The following VLDLR variants were observed in gnomAD, a reference collection of about 807,000 sequenced individuals.
VLDLR encodes very low density lipoprotein receptor.
VLDLR carries 81 observed loss-of-function variants against 112.7 expected under a neutral mutation model. That is an observed-to-expected ratio of 0.72 (90% confidence interval 0.60 to 0.86). VLDLR has a LOEUF of 0.86. Ranked by LOEUF, VLDLR falls within the 40% of genes least tolerant of loss-of-function variation. The pLI, the probability that VLDLR is intolerant of heterozygous loss-of-function variation, is 0.00. For synonymous variants in VLDLR, 436 were observed against 384.8 expected, an observed-to-expected ratio of 1.13 and a Z score of -1.56; for missense variants, 1,237 against 1,099.4, an observed-to-expected ratio of 1.13 and a Z score of -1.77.
Position 2,659,419 on chromosome 9 carries a change from T to C in VLDLR, c.*5551T>C, listed in dbSNP as rs1417667762. The stretch of plus-strand genomic sequence containing the variant: ...GAAGTGTACTACTAGCACTACTACA[T>C]CAGGTCAGCACAGATTAACTCAGTT... On this transcript the variant is annotated 3_prime_UTR_variant, in exon 19 of 19. Coordinates refer to ENST00000382100, the MANE Select transcript of VLDLR (RefSeq NM_003383.5). 6.6e-6 allele frequency: 1 copy of C among 152,238 alleles called. No individual in the cohort carries two copies. The highest frequency in any genetic ancestry group is 1.5e-5 in the Non-Finnish European group (1 of 68,040). The allele number at this position is 152,238 out of a possible 1,614,324, so 9.4% of individuals were successfully genotyped here.
chr9:2,630,590 A>C (rs960124465), intron 1 of VLDLR, among the ~76,000 whole-genome samples: 5 of 152,302 alleles, frequency 3.3e-5, no homozygotes, highest in African/African-American at 1.2e-4. Flanking sequence ...TCGGAGCCCC[A>C]TAGGGAGATT....
At chr9:2,640,820 G>T (rs923715882) in intron 3 of VLDLR, among the ~76,000 whole-genome samples, 5 of 152,208 alleles carry the variant, frequency 3.3e-5, no homozygotes, top group African/African-American at 1.2e-4. Flanking sequence ...CAAGGCCTGT[G>T]AGCTAAAGAC....
chr9:2,652,479 CA>C (rs1479386720), intron 17 of VLDLR, among the ~76,000 whole-genome samples: 1 of 152,152 alleles, frequency 6.6e-6, no homozygotes, highest in Non-Finnish European at 1.5e-5. Context: ...ACGCCAGGAC[CA>C]CCTGAATAGC....
rs1332885043 is a variant in VLDLR, at chr9:2,654,269, T to C, written c.*401T>C. The C allele has an allele frequency of 1.1e-5, 2 of 186,768 alleles. No homozygotes were observed. The highest frequency in any genetic ancestry group is 2.3e-5 in the Non-Finnish European group (2 of 88,146). The allele number at this position is 186,768 out of a possible 1,614,324, so 11.6% of individuals were successfully genotyped here. A position where few individuals can be genotyped will look rare whatever the true frequency, so the allele number is the denominator to read the frequency against. On this transcript the variant is annotated 3_prime_UTR_variant, in exon 19 of 19. Transcript: ENST00000382100. ...CTATTCTTAAGCACTTTGAAAATAT[T>C]TCTATGTAAATTATTGTAAACTTTT...
chr9:2,644,846 C>A lies in VLDLR; in HGVS notation c.1179C>A (p.Thr393=), dbSNP rs372577949. 2.5e-6 allele frequency: 4 copies of A among 1,613,952 alleles called. No homozygotes were observed. The African/African-American group carries it at 5.3e-5, about 22-fold the overall frequency. The part of the protein sequence containing the change: ...AAGFELIDRK[T]CGDIDECQNP... ...GGTTTGAACTGATAGATAGGAAAAC[C>A]TGTGGAGGTGAGTCTAAGAAGAAAA... Residue 393 remains threonine, a synonymous_variant, in exon 8 of 19, where the codon ACC becomes ACA. Transcript: ENST00000382100.
In VLDLR at chr9:2,653,841, T is replaced by TGTAAGCACAGATGA. The variant is rs1342364882; in HGVS notation, c.2596_2609dup (p.Asp870GlufsTer2). 1 of 1,613,832 alleles carries TGTAAGCACAGATGA rather than the reference T, an allele frequency of 6.2e-7. No individual in the cohort carries two copies. The highest frequency in any genetic ancestry group is 1.3e-5 in the African/African-American group (1 of 74,914). The stretch of plus-strand genomic sequence containing the variant: ...CTTCTTCTTTTCCACAGATATCAGT[T>TGTAAGCACAGATGA]GTAAGCACAGATGATGATCTAGCTT... On this transcript the variant is annotated frameshift_variant, in exon 19 of 19. Transcript: ENST00000382100. LOFTEE classifies it high-confidence loss of function.
At chr9:2,643,778 A>T in intron 6 of VLDLR, 28 bp downstream of exon 6, 1 of 1,614,222 alleles carries the variant, frequency 6.2e-7, no homozygotes, top group Non-Finnish European at 8.5e-7. Flanking sequence ...TTGGTTAAGC[A>T]ATGGATTGCT....
rs1445637471 is a variant in VLDLR, at chr9:2,656,128, T to C, written c.*2260T>C. 6.6e-6 allele frequency: 1 copy of C among 152,176 alleles called. No individual in the cohort carries two copies. The highest frequency in any genetic ancestry group is 1.5e-5 in the Non-Finnish European group (1 of 68,030). The allele number at this position is 152,176 out of a possible 1,614,324, so 9.4% of individuals were successfully genotyped here. The stretch of plus-strand genomic sequence containing the variant: ...ATCTTTTGAATTCCTGTCCCTAGTA[T>C]GTTCTTTCATGTTCTGGGTAAAATT... On this transcript the variant is annotated 3_prime_UTR_variant, in exon 19 of 19. Coordinates refer to ENST00000382100, the MANE Select transcript of VLDLR (RefSeq NM_003383.5).
In VLDLR at chr9:2,622,287, C is replaced by T. The variant is rs748252893; in HGVS notation, c.82+16C>T. The T allele has an allele frequency of 2.1e-6, 3 of 1,462,826 alleles. No homozygotes were observed. The East Asian group carries it at 8.8e-5, about 43-fold the overall frequency. 90.6% of individuals were successfully genotyped at this position (1,462,826 alleles called of 1,614,324 possible). On this transcript the variant is annotated intron_variant, in intron 1 of 18. Transcript: ENST00000382100. ...ACCGGAACCGGTGAGTGAGGACGCG[C>T]CCCTCCGCCGGCGGGCGGGACCCAG...
intron 3 of VLDLR, 144 bp downstream of exon 3, chr9:2,640,125 TC>T: frequency 7.6e-7 from 1 of 1,315,246 alleles, no homozygotes; most frequent in Admixed American, 1.7e-5. Context: ...GGCAGTCAAA[TC>T]ATTACCAGTT....
chr9:2,630,483 C>T (rs541335194), intron 1 of VLDLR, among the ~76,000 whole-genome samples: 2 of 152,286 alleles, frequency 1.3e-5, no homozygotes, highest in African/African-American at 4.8e-5. Context: ...CAGCATGAGC[C>T]TCTGTGCAGG....
At chr9:2,627,800 G>C (rs1817161236) in intron 1 of VLDLR, among the ~76,000 whole-genome samples, 1 of 149,868 alleles carries the variant, frequency 6.7e-6, no homozygotes, top group Non-Finnish European at 1.5e-5. Context: ...GGGTGGCAGA[G>C]ATTTCAGTGA....
chr9:2,625,344 AG>A (rs1817042860), intron 1 of VLDLR, among the ~76,000 whole-genome samples: 1 of 152,232 alleles, frequency 6.6e-6, no homozygotes, highest in African/African-American at 2.4e-5. Flanking sequence ...CAAACCTTGA[AG>A]ACTTGGCACA....
intron 1 of VLDLR, among the ~76,000 whole-genome samples, chr9:2,632,371 C>T (rs1586639199): frequency 6.6e-6 from 1 of 152,210 alleles, no homozygotes; most frequent in South Asian, 2.1e-4. Flanking sequence ...CCCATCTTCT[C>T]ACCTGTCTGA....
chr9:2,631,433 G>C (rs1817346051), intron 1 of VLDLR, among the ~76,000 whole-genome samples: 2 of 152,106 alleles, frequency 1.3e-5, no homozygotes, highest in South Asian at 4.1e-4. Flanking sequence ...AATAATGAAA[G>C]GGTAAAGAAA....
rs1043117407 is a variant in VLDLR at position 2,654,273 on chromosome 9, A to G, written c.*405A>G. ...TCTTAAGCACTTTGAAAATATTTCTATGTAAATTATTGTAAACTTTTTCAA... is the reference window on the plus strand; with the variant it reads ...TCTTAAGCACTTTGAAAATATTTCTGTGTAAATTATTGTAAACTTTTTCAA... On this transcript the variant is annotated 3_prime_UTR_variant, in exon 19 of 19. Coordinates refer to ENST00000382100, the MANE Select transcript of VLDLR (RefSeq NM_003383.5). 3.2e-5 allele frequency: 6 copies of G among 185,814 alleles called. No homozygotes were observed. Among genetic ancestry groups the G allele is most frequent in the South Asian group, 1.2e-4 (1 of 8,582 alleles). The allele number at this position is 185,814 out of a possible 1,614,324, so 11.5% of individuals were successfully genotyped here.
chr9:2,628,353 G>GCAACATGAACAAACTGAGA (rs1487725340), intron 1 of VLDLR, among the ~76,000 whole-genome samples: 1 of 152,152 alleles, frequency 6.6e-6, no homozygotes, highest in Non-Finnish European at 1.5e-5. Flanking sequence ...GTGGACAAGG[G>GCAACATGAACAAACTGAGA]CAACATGAAC....
chr9:2,644,549 A>G (rs938623060), intron 7 of VLDLR, among the ~76,000 whole-genome samples, 185 bp from the exon 8 acceptor site: 1 of 152,092 alleles, frequency 6.6e-6, no homozygotes, highest in African/African-American at 2.4e-5. Context: ...ACCAGCTGGT[A>G]ACTTGCCGAG....
rs751464256 is a variant in VLDLR at position 2,653,833 on chromosome 9, A to G, written c.2587A>G (p.Ile863Val). 6 of 1,613,944 alleles carry G rather than the reference A, an allele frequency of 3.7e-6. No homozygotes were observed. The Admixed American group carries it at 5.0e-5, about 13-fold the overall frequency. Residue 863 changes from isoleucine to valine, a missense_variant and splice_region_variant, in exon 19 of 19, where the codon ATA (isoleucine) becomes GTA (valine). Physicochemically the swap from Ile to Val is conservative, Grantham distance 29. Transcript: ENST00000382100. The part of the protein sequence containing the change: ...SASVGHTYPA[I>V]SVVSTDDDLA ...ATTCTATACTTCTTCTTTTCCACAG[A>G]TATCAGTTGTAAGCACAGATGATGA...
Sources: gnomAD v4.1 joint callset for allele counts (sites outside exome capture counted in the v4.1 genomes callset) on GRCh38, gnomAD v4.1.1 for gene constraint, MANE v1.5 for transcripts, NCBI Gene and HGNC (gene_info 2026-07-23, HGNC 2026-07-21) for gene names.